Variants in FGD6 observed in about 807,000 individuals in gnomAD.
The protein encoded by FGD6 is FYVE, RhoGEF and PH domain containing 6.
A neutral mutation model predicts 149.4 loss-of-function variants in FGD6; 90 were observed. That is an observed-to-expected ratio of 0.60 (90% CI 0.51 to 0.72). The LOEUF (loss-of-function observed/expected upper bound fraction) is 0.72, where lower values mean the gene tolerates loss of function less well. Among genes scored for constraint, FGD6 ranks in the 30% least tolerant of loss-of-function variants. The pLI is 0.00. For missense variants in FGD6, 1,437 were observed against 1,684.8 expected, an observed-to-expected ratio of 0.85 and a Z score of 2.57; for synonymous variants, 527 against 584.0, an observed-to-expected ratio of 0.90 and a Z score of 1.41.
At chr12:95,188,286 T>C (rs368445852) in intron 2 of FGD6, among the ~76,000 whole-genome samples, 2 of 150,948 alleles carry the variant, frequency 1.3e-5, no homozygotes, top group East Asian at 2.0e-4. Context: ...AGAAAAAAAA[T>C]GGGGAGAAGA....
intron 8 of FGD6, among the ~76,000 whole-genome samples, chr12:95,121,739 T>G (rs1405197961): frequency 6.6e-6 from 1 of 152,010 alleles, no homozygotes; most frequent in Non-Finnish European, 1.5e-5. Context: ...CACTGCAATC[T>G]CCGCCTCCTG....
chr12:95,183,073 A>G (rs1453897820), intron 2 of FGD6, among the ~76,000 whole-genome samples: 1 of 152,238 alleles, frequency 6.6e-6, no homozygotes, highest in Non-Finnish European at 1.5e-5. Flanking sequence ...ATTGCGGTGC[A>G]AGGCTGAAAA....
intron 3 of FGD6, among the ~76,000 whole-genome samples, chr12:95,168,390 G>A (rs975324180): frequency 6.6e-5 from 10 of 152,176 alleles, no homozygotes; most frequent in African/African-American, 1.9e-4. Context: ...GCAGCCAGGC[G>A]CGGTGGATCA....
Position 95,194,032 on chromosome 12 carries a change from C to T in FGD6, c.2441+14811G>A, listed in dbSNP as rs186817939. On this transcript the variant is annotated intron_variant, in intron 2 of 20. Coordinates refer to ENST00000343958, the MANE Select transcript of FGD6 (RefSeq NM_018351.4). Reference sequence around the variant, plus strand: ...CACTGGAGCCTTGACCTCCTGGGCTCCAGTGATCTTCCTGCCTCAGACTCC... The same window carrying T: ...CACTGGAGCCTTGACCTCCTGGGCTTCAGTGATCTTCCTGCCTCAGACTCC... Among the ~76,000 whole-genome samples the T allele has an allele frequency of 2.0e-3, 304 of 152,168 alleles. 3 individuals are homozygous for T. The highest frequency in any genetic ancestry group is 2.7e-3 in the Non-Finnish European group (182 of 68,006).
chr12:95,146,238 T>C (rs1289205103), intron 5 of FGD6, among the ~76,000 whole-genome samples: 2 of 152,176 alleles, frequency 1.3e-5, no homozygotes, highest in Non-Finnish European at 2.9e-5. Context: ...ACCTCAGCCA[T>C]TGTCAAAACT....
intron 8 of FGD6, among the ~76,000 whole-genome samples, chr12:95,121,650 TG>T: frequency 6.6e-6 from 1 of 151,974 alleles, no homozygotes; most frequent in South Asian, 2.1e-4. Context: ...AACCTTAATT[TG>T]TTTTTCAAAT....
intron 6 of FGD6, among the ~76,000 whole-genome samples, chr12:95,139,657 T>C (rs1241178384): frequency 7.1e-6 from 1 of 141,430 alleles, no homozygotes; most frequent in Non-Finnish European, 1.5e-5. Flanking sequence ...ATTTCTATCA[T>C]GACTTTTTTT....
At chr12:95,089,733 C>T (rs376149692) in intron 17 of FGD6, 37 bp from the exon 18 acceptor site, 152 of 1,603,254 alleles carry the variant, frequency 9.5e-5, no homozygotes, top group Non-Finnish European at 1.4e-5. Flanking sequence ...AGGCAATGCT[C>T]AGCATTTTGC....
intron 5 of FGD6, among the ~76,000 whole-genome samples, chr12:95,149,558 A>G (rs958456901): frequency 2.1e-5 from 3 of 139,924 alleles, no homozygotes; most frequent in East Asian, 4.0e-4. Flanking sequence ...TATATAGTAT[A>G]ATATGTATAA....
At chr12:95,146,720 G>T (rs1189890485) in intron 5 of FGD6, among the ~76,000 whole-genome samples, 1 of 151,938 alleles carries the variant, frequency 6.6e-6, no homozygotes, top group East Asian at 1.9e-4. Context: ...GCTAGAAATG[G>T]GCCTCTGAAT....
chr12:95,207,602 C>T (rs756269133), intron 2 of FGD6, among the ~76,000 whole-genome samples: 87 of 152,166 alleles, frequency 5.7e-4, no homozygotes, highest in Non-Finnish European at 1.1e-3. Context: ...GCAGTGGTTG[C>T]TCTCTTGGCC....
chr12:95,152,738 A>G, intron 5 of FGD6, 73 bp downstream of exon 5: 1 of 1,376,436 alleles, frequency 7.3e-7, no homozygotes, highest in East Asian at 2.4e-5. Flanking sequence ...AGTAATGCTG[A>G]AAACTTCTAG....
intron 8 of FGD6, among the ~76,000 whole-genome samples, chr12:95,126,738 AAAAAAAAG>A (rs1329521986): frequency 6.6e-6 from 1 of 151,458 alleles, no homozygotes; most frequent in Admixed American, 6.6e-5. Context: ...CTCAAAAAAA[AAAAAAAAG>A]AAAAAGAAAA....
At chr12:95,174,927 C>CAAAAAAAA (rs10687970) in intron 2 of FGD6, among the ~76,000 whole-genome samples, 5 of 84,664 alleles carry the variant, frequency 5.9e-5, no homozygotes, top group African/African-American at 1.6e-4. Context: ...ACTCCATCTC[C>CAAAAAAAA]AAAAAAAAAA....
chr12:95,104,119 ATC>A (rs1342079036), intron 14 of FGD6, among the ~76,000 whole-genome samples: 1 of 152,152 alleles, frequency 6.6e-6, no homozygotes, highest in East Asian at 1.9e-4. Context: ...GAACATTTTA[ATC>A]TCTGTGCTTC....
Position 95,079,366 on chromosome 12 carries a change from T to C in FGD6, c.*2154A>G, listed in dbSNP as rs1234667438. On this transcript the variant is annotated 3_prime_UTR_variant, in exon 21 of 21. Transcript: ENST00000343958. ...AGATTTCTTCCCTCTCTCACTCTCT[T>C]TAGATTTAGAACTGGCTCATGATTC... The C allele has an allele frequency of 1.3e-5, 2 of 152,194 alleles. No individual in the cohort carries two copies. The allele number at this position is 152,194 out of a possible 1,614,324, so 9.4% of individuals were successfully genotyped here.
At chr12:95,108,095 C>T (rs1252417418) in intron 11 of FGD6, among the ~76,000 whole-genome samples, 1 of 152,102 alleles carries the variant, frequency 6.6e-6, no homozygotes, top group Non-Finnish European at 1.5e-5. Flanking sequence ...AGAAAACGAT[C>T]CCATTAAATC....
chr12:95,184,002 T>C (rs1881355549), intron 2 of FGD6, among the ~76,000 whole-genome samples: 1 of 152,226 alleles, frequency 6.6e-6, no homozygotes, highest in Admixed American at 6.5e-5. Context: ...ATTTTGCATA[T>C]ACATCTAGAC....
At chr12:95,137,436 C>T (rs1879699130) in intron 7 of FGD6, 86 bp downstream of exon 7, 2 of 1,213,626 alleles carry the variant, frequency 1.6e-6, no homozygotes, top group African/African-American at 3.1e-5. Flanking sequence ...TGTTTGCAAG[C>T]TTTGTTTTCA....
Sources: allele counts gnomAD v4.1 joint callset (sites outside exome capture counted in the v4.1 genomes callset), GRCh38; gene constraint gnomAD v4.1.1; transcripts MANE v1.5; gene names NCBI Gene and HGNC (gene_info 2026-07-23, HGNC 2026-07-21).